Variants in DPYD observed in about 807,000 individuals in gnomAD.
The protein encoded by DPYD is dihydropyrimidine dehydrogenase.
DPYD carries 109 observed loss-of-function variants against 116.2 expected under a neutral mutation model. The observed-to-expected ratio is 0.94, with a 90% confidence interval of 0.80 to 1.10. The LOEUF is 1.10. Ranked by LOEUF, DPYD falls within the 50% of genes least tolerant of loss-of-function variation. DPYD has a pLI of 0.00. For missense variants in DPYD, 1,302 were observed against 1,254.5 expected (o/e 1.04, Z -0.57); for synonymous variants, 440 against 432.0 (o/e 1.02, Z -0.23).
chr1:97,758,718 A>G (rs560324272), intron 3 of DPYD, among the ~76,000 whole-genome samples: 2 of 152,272 alleles, frequency 1.3e-5, no homozygotes, highest in South Asian at 2.1e-4. Flanking sequence ...TTTAAGTTCA[A>G]TTTTGAGAAT....
At position 97,195,634 on chromosome 1, in the gene DPYD, GTA is replaced by G. The variant is rs71071637; in HGVS notation, c.2443-2388_2443-2387del. 4.6e-3 allele frequency among the ~76,000 whole-genome samples: 265 copies of G among 57,426 alleles called. 4 individuals carry two copies. Among genetic ancestry groups the G allele is most frequent in the African/African-American group, 6.1e-3 (96 of 15,846 alleles). The allele number at this position is 57,426 out of a possible 152,430, so 37.7% of individuals were successfully genotyped here. On this transcript the variant is annotated intron_variant, in intron 19 of 22. Transcript: ENST00000370192. ...TATATATGTATGTGTATATGTATGT[GTA>G]TATATATATATATATATATATATAT...
intron 4 of DPYD, among the ~76,000 whole-genome samples, chr1:97,727,316 G>A (rs1277954701): frequency 6.6e-6 from 1 of 151,734 alleles, no homozygotes; most frequent in Non-Finnish European, 1.5e-5. Context: ...TTGGTGTAAT[G>A]ACTTGGCAAT....
At chr1:97,915,852 T>C (rs1391025004) in intron 1 of DPYD, among the ~76,000 whole-genome samples, 2 of 152,220 alleles carry the variant, frequency 1.3e-5, no homozygotes. Flanking sequence ...TATTGAAGCC[T>C]GGATTATATC....
At chr1:97,121,443 T>C (rs569756181) in intron 20 of DPYD, among the ~76,000 whole-genome samples, 17 of 152,306 alleles carry the variant, frequency 1.1e-4, no homozygotes, top group African/African-American at 1.9e-4. Context: ...TCCAATGATA[T>C]GTAAGTATAC....
chr1:97,411,157 G>T (rs1673971913), intron 14 of DPYD, among the ~76,000 whole-genome samples: 1 of 152,086 alleles, frequency 6.6e-6, no homozygotes, highest in Non-Finnish European at 1.5e-5. Flanking sequence ...GATTTTCATT[G>T]CACTTATCTG....
At chr1:97,618,423 T>C (rs1049271117) in intron 8 of DPYD, among the ~76,000 whole-genome samples, 1 of 150,918 alleles carries the variant, frequency 6.6e-6, no homozygotes, top group Admixed American at 6.6e-5. Flanking sequence ...TCACACATGC[T>C]GGAGTGCAGT....
intron 3 of DPYD, among the ~76,000 whole-genome samples, chr1:97,746,257 T>G (rs1664547184): frequency 6.6e-6 from 1 of 152,158 alleles, no homozygotes; most frequent in East Asian, 1.9e-4. Context: ...CATATGCTAT[T>G]ATTAGGAAGC....
chr1:97,354,424 T>C (rs900171920), intron 16 of DPYD, among the ~76,000 whole-genome samples: 3 of 151,320 alleles, frequency 2.0e-5, no homozygotes, highest in African/African-American at 7.2e-5. Flanking sequence ...AAATGCTCAT[T>C]CTTAAACAAA....
intron 19 of DPYD, among the ~76,000 whole-genome samples, chr1:97,224,712 G>A (rs1344353146): frequency 1.3e-5 from 2 of 151,080 alleles, no homozygotes; most frequent in African/African-American, 4.9e-5. Flanking sequence ...TACTCTCTAA[G>A]TAGTCAACTT....
chr1:97,456,870 A>G (rs1424929080), intron 13 of DPYD, among the ~76,000 whole-genome samples: 1 of 152,128 alleles, frequency 6.6e-6, no homozygotes, highest in Non-Finnish European at 1.5e-5. Context: ...TCTTGAATCA[A>G]ACATGATGGT....
rs924522734 is a variant in DPYD at position 97,774,781 on chromosome 1, T to C, written c.234-34302A>G. 6.2e-5 allele frequency: 11 copies of C among 177,364 alleles called. 1 individual carries two copies. Among genetic ancestry groups the C allele is most frequent in the Admixed American group, 5.2e-4 (9 of 17,430 alleles). 11.0% of individuals were successfully genotyped at this position (177,364 alleles called of 1,614,324 possible). A position where few individuals can be genotyped will look rare whatever the true frequency, so the allele number is the denominator to read the frequency against. On this transcript the variant is annotated intron_variant, in intron 3 of 22. Transcript: ENST00000370192. ...CCTAAATTGAACTACCCTGAAGTAGTTGGTAACTGGGAAAGAACTAGGAAA... is the reference window on the plus strand; with the variant it reads ...CCTAAATTGAACTACCCTGAAGTAGCTGGTAACTGGGAAAGAACTAGGAAA...
chr1:97,419,016 CAAT>C (rs1162903317), intron 14 of DPYD, among the ~76,000 whole-genome samples: 1 of 152,164 alleles, frequency 6.6e-6, no homozygotes, highest in Non-Finnish European at 1.5e-5. Flanking sequence ...TACTCCCAGA[CAAT>C]GATGTTTCAG....
chr1:97,141,995 C>A (rs925796881), intron 20 of DPYD, among the ~76,000 whole-genome samples: 1 of 152,154 alleles, frequency 6.6e-6, no homozygotes, highest in African/African-American at 2.4e-5. Flanking sequence ...ACTCTCAAAT[C>A]AAGTAGCAGG....
intron 20 of DPYD, among the ~76,000 whole-genome samples, chr1:97,128,650 G>A (rs1053686167): frequency 2.0e-5 from 3 of 152,134 alleles, no homozygotes; most frequent in Admixed American, 2.0e-4. Context: ...CTCGGGGAGG[G>A]ATTGCTGCCT....
intron 3 of DPYD, among the ~76,000 whole-genome samples, chr1:97,760,817 A>C (rs1313446229): frequency 3.3e-5 from 5 of 152,160 alleles, no homozygotes; most frequent in African/African-American, 4.8e-5. Flanking sequence ...CAACTCTGCT[A>C]GTGTAATTGA....
At chr1:97,342,177 A>G (rs1271401646) in intron 16 of DPYD, among the ~76,000 whole-genome samples, 2 of 152,198 alleles carry the variant, frequency 1.3e-5, no homozygotes, top group Non-Finnish European at 1.5e-5. Context: ...AAAAATTGTC[A>G]TATAAAATTG....
At chr1:97,507,526 T>G (rs1167341353) in intron 13 of DPYD, among the ~76,000 whole-genome samples, 4 of 152,004 alleles carry the variant, frequency 2.6e-5, no homozygotes, top group Non-Finnish European at 5.9e-5. Flanking sequence ...ATTTAATCTT[T>G]TTAAAAAATC....
chr1:97,484,302 T>TCAAAAA lies in DPYD; in HGVS notation c.1740+31418_1740+31423dup, dbSNP rs765836822. ...CTGGGTGACAGAGCAAGACTCCATCTCAAAAACAAAAACAAAAACAAAAAC... is the reference window on the plus strand; with the variant it reads ...CTGGGTGACAGAGCAAGACTCCATCTCAAAAACAAAAACAAAAACAAAAACAAAAAC... On this transcript the variant is annotated intron_variant, in intron 13 of 22. Transcript: ENST00000370192. Among the ~76,000 whole-genome samples, 55 of 152,280 alleles carry TCAAAAA rather than the reference T, an allele frequency of 3.6e-4. 1 individual carries two copies. The Middle Eastern group carries it at 0.014, about 38-fold the overall frequency.
At chr1:97,917,804 T>C (rs1413205837) in intron 1 of DPYD, among the ~76,000 whole-genome samples, 5 of 152,214 alleles carry the variant, frequency 3.3e-5, no homozygotes, top group Admixed American at 6.5e-5. Context: ...CGTTTAGATA[T>C]ATATACTTTC....
Sources: allele counts gnomAD v4.1 joint callset (sites outside exome capture counted in the v4.1 genomes callset), GRCh38; gene constraint gnomAD v4.1.1; transcripts MANE v1.5; gene names NCBI Gene and HGNC (gene_info 2026-07-23, HGNC 2026-07-21).